TPST1: variants seen among roughly 807,000 people sequenced by gnomAD.
TPST1 encodes the protein protein-tyrosine sulfotransferase 1.
A neutral mutation model predicts 34.8 loss-of-function variants in TPST1; 20 were observed. The ratio of observed to expected loss-of-function variants is 0.57; its 90% CI spans 0.40 to 0.84. The LOEUF (loss-of-function observed/expected upper bound fraction) is 0.84, where lower values mean the gene tolerates loss of function less well. Among genes scored for constraint, TPST1 ranks in the 40% least tolerant of loss-of-function variants. The pLI is 0.00. For missense variants in TPST1, 353 were observed against 455.5 expected (o/e 0.78, Z 2.05); for synonymous variants, 152 against 159.4 (o/e 0.95, Z 0.35).
In TPST1 at chr7:66,332,795, G is replaced by T. The variant is rs1324397379; in HGVS notation, c.1045-19710G>T. Among the ~76,000 whole-genome samples the T allele has an allele frequency of 1.3e-5, 2 of 152,150 alleles. No individual in the cohort carries two copies. The highest frequency in any genetic ancestry group is 2.9e-5 in the Non-Finnish European group (2 of 68,040). Reference sequence around the variant, plus strand: ...TAGGTGTTATAAGCAGTCTAGAGATGATTTAAAGTATACAGGAGGATATGT... The same window carrying T: ...TAGGTGTTATAAGCAGTCTAGAGATTATTTAAAGTATACAGGAGGATATGT... On this transcript the variant is annotated intron_variant, in intron 3 of 5. Coordinates refer to ENST00000304842, the MANE Select transcript of TPST1 (RefSeq NM_003596.4). The surrounding 1 kb of genome is among the most constrained non-coding windows in gnomAD (Gnocchi z 4.5).
chr7:66,251,475 A>G (rs1399254635), intron 2 of TPST1, among the ~76,000 whole-genome samples: 1 of 152,188 alleles, frequency 6.6e-6, no homozygotes, highest in Non-Finnish European at 1.5e-5. Context: ...GTTAGTAGCA[A>G]GTGCACCACA....
At chr7:66,232,517 C>T (rs539150471) in intron 1 of TPST1, among the ~76,000 whole-genome samples, 5 of 152,178 alleles carry the variant, frequency 3.3e-5, no homozygotes, top group South Asian at 2.1e-4. Flanking sequence ...GGACTACAGG[C>T]GCCCACCACC....
chr7:66,234,418 C>CACACACACACACACACACACAG (rs1203484108), intron 1 of TPST1, among the ~76,000 whole-genome samples: 1 of 151,020 alleles, frequency 6.6e-6, no homozygotes, highest in Non-Finnish European at 1.5e-5. Flanking sequence ...CACACACACA[C>CACACACACACACACACACACAG]ACACACACAC....
At position 66,240,987 on chromosome 7, in the gene TPST1, G is replaced by A; in HGVS notation, c.562G>A (p.Ala188Thr). 6.2e-7 allele frequency: 1 copy of A among 1,614,212 alleles called. No individual in the cohort carries two copies. Among genetic ancestry groups the A allele is most frequent in the Non-Finnish European group, 8.5e-7 (1 of 1,180,042 alleles). ...KFLLMVRDGR[A>T]SVHSMISRKV... is the part of the protein sequence containing the mutation. ...TCTCCTGATGGTCCGAGATGGCCGG[G>A]CATCAGTACATTCAATGATTTCTCG... The change falls in exon 2 of 6, where the codon GCA (alanine) becomes ACA (threonine). Residue 188 changes from alanine to threonine, a missense_variant. Physicochemically the swap from Ala to Thr is moderately conservative, Grantham distance 58. Coordinates refer to ENST00000304842, the MANE Select transcript of TPST1 (RefSeq NM_003596.4).
chr7:66,330,196 G>A (rs906292896), intron 3 of TPST1, among the ~76,000 whole-genome samples: 14 of 152,294 alleles, frequency 9.2e-5, no homozygotes, highest in Admixed American at 3.9e-4. Flanking sequence ...TTTACAGATG[G>A]AATTAAGGAA....
intron 2 of TPST1, among the ~76,000 whole-genome samples, chr7:66,272,557 C>T (rs1287667835): frequency 6.6e-6 from 1 of 150,718 alleles, no homozygotes; most frequent in Non-Finnish European, 1.5e-5. Context: ...AGATCAGGAA[C>T]AAGACAGAAT....
At chr7:66,215,486 T>C (rs1221410037) in intron 1 of TPST1, among the ~76,000 whole-genome samples, 2 of 151,212 alleles carry the variant, frequency 1.3e-5, no homozygotes, top group Non-Finnish European at 2.9e-5. Flanking sequence ...ACGATTCTCC[T>C]TCCTCAGCCT....
intron 3 of TPST1, among the ~76,000 whole-genome samples, chr7:66,335,615 AAGTT>A (rs1389190658): frequency 6.6e-6 from 1 of 152,164 alleles, no homozygotes; most frequent in Non-Finnish European, 1.5e-5. Flanking sequence ...ATGTCAGGGC[AAGTT>A]AGTTTAGTTT....
intron 3 of TPST1, among the ~76,000 whole-genome samples, chr7:66,343,862 T>C (rs990884917): frequency 6.6e-6 from 1 of 152,080 alleles, no homozygotes; most frequent in Non-Finnish European, 1.5e-5. Context: ...TACTAAAGGC[T>C]CTAATGGAAA....
chr7:66,216,055 C>T (rs553572167), intron 1 of TPST1, among the ~76,000 whole-genome samples: 106 of 152,226 alleles, frequency 7.0e-4, no homozygotes, highest in Non-Finnish European at 1.2e-3. Flanking sequence ...TGAGCCACCG[C>T]GCCCGGCCAA....
At chr7:66,200,581 G>A (rs556240651), upstream of TPST1, among the ~76,000 whole-genome samples, 90 of 151,160 alleles carry the variant, frequency 6.0e-4, no homozygotes, top group Non-Finnish European at 9.1e-4. Flanking sequence ...CAGCACACCC[G>A]GCTAATTTTT....
intron 1 of TPST1, among the ~76,000 whole-genome samples, chr7:66,226,175 C>A (rs1789652263): frequency 6.6e-6 from 1 of 152,296 alleles, no homozygotes; most frequent in East Asian, 1.9e-4. Flanking sequence ...ACGTGAGCCA[C>A]TGTGCCCCGC....
At chr7:66,244,155 A>G (rs1790100059) in intron 2 of TPST1, among the ~76,000 whole-genome samples, 1 of 151,726 alleles carries the variant, frequency 6.6e-6, no homozygotes, top group South Asian at 2.1e-4. Flanking sequence ...GGGTTTCGCC[A>G]TGTTAGCCAG....
intron 3 of TPST1, among the ~76,000 whole-genome samples, chr7:66,317,023 A>G (rs1791646406): frequency 6.6e-6 from 1 of 152,162 alleles, no homozygotes; most frequent in Non-Finnish European, 1.5e-5. Context: ...CCCCCATGAC[A>G]TGAGTTTACC....
chr7:66,228,907 T>A lies in TPST1; in HGVS notation c.-101-11418T>A, dbSNP rs940094452. Among the ~76,000 whole-genome samples, 9 of 152,226 alleles carry A rather than the reference T, an allele frequency of 5.9e-5. No homozygotes were observed. The East Asian group carries it at 7.7e-4, about 13-fold the overall frequency. ...CAAATCTCTTGTGATTAAAAAAAAA[T>A]TTTTGAAATTACTACATAATAAAAT... On this transcript the variant is annotated intron_variant, in intron 1 of 5. Coordinates refer to ENST00000304842, the MANE Select transcript of TPST1 (RefSeq NM_003596.4).
At chr7:66,297,218 C>G (rs1791219913) in intron 3 of TPST1, among the ~76,000 whole-genome samples, 1 of 152,150 alleles carries the variant, frequency 6.6e-6, no homozygotes, top group Non-Finnish European at 1.5e-5. Context: ...TATCATAAAT[C>G]TGTATTTCCT....
At chr7:66,323,455 CTG>C (rs1175732173) in intron 3 of TPST1, among the ~76,000 whole-genome samples, 2 of 152,012 alleles carry the variant, frequency 1.3e-5, no homozygotes, top group Non-Finnish European at 2.9e-5. Flanking sequence ...GTGTTTTTTT[CTG>C]TGTGTATTGA....
intron 1 of TPST1, among the ~76,000 whole-genome samples, chr7:66,217,710 G>A (rs765341563): frequency 6.6e-6 from 1 of 151,270 alleles, no homozygotes; most frequent in African/African-American, 2.4e-5. Flanking sequence ...TCAGCCTCCC[G>A]AGTAGCTGGG....
intron 2 of TPST1, among the ~76,000 whole-genome samples, chr7:66,255,493 G>A (rs560582137): frequency 6.6e-6 from 1 of 152,176 alleles, no homozygotes; most frequent in Non-Finnish European, 1.5e-5. Context: ...TTGTAGGCCA[G>A]TATTTAACTC....
Sources: gnomAD v4.1 joint callset for allele counts (sites outside exome capture counted in the v4.1 genomes callset) on GRCh38, gnomAD v4.1.1 for gene constraint, Gnocchi (gnomAD v3.1) non-coding constraint, MANE v1.5 for transcripts, NCBI Gene and HGNC (gene_info 2026-07-23, HGNC 2026-07-21) for gene names.